The following SLC25A21 variants were observed in gnomAD, a reference collection of about 807,000 sequenced individuals.
SLC25A21 encodes mitochondrial 2-oxodicarboxylate carrier.
Under a neutral mutation model 43.8 loss-of-function variants are expected in SLC25A21, and 47 were observed. The ratio of observed to expected loss-of-function variants is 1.07; its 90% CI spans 0.85 to 1.37. SLC25A21 has a LOEUF of 1.37. SLC25A21 is among the 40% of genes most tolerant of loss of function. SLC25A21 has a pLI of 0.00. For missense variants in SLC25A21, 352 were observed against 350.2 expected (o/e 1.00, Z -0.04); for synonymous variants, 131 against 121.3 (o/e 1.08, Z -0.52).
intron 7 of SLC25A21, among the ~76,000 whole-genome samples, chr14:36,699,416 TGAG>T (rs1489734799): frequency 1.3e-5 from 2 of 151,706 alleles, no homozygotes; most frequent in Non-Finnish European, 2.9e-5. Context: ...GGGACCCACT[TGAG>T]GAGGCAGTCT....
chr14:36,892,558 T>A (rs548950729), intron 1 of SLC25A21, among the ~76,000 whole-genome samples: 122 of 152,204 alleles, frequency 8.0e-4, no homozygotes, highest in African/African-American at 2.8e-3. Flanking sequence ...CACTTTTTTT[T>A]TTATTATACT....
chr14:36,918,723 T>C (rs189306739), intron 1 of SLC25A21, among the ~76,000 whole-genome samples: 274 of 152,102 alleles, frequency 1.8e-3, no homozygotes, highest in Non-Finnish European at 2.5e-3. Flanking sequence ...CCAACCCAAC[T>C]ATAAAAATAG....
At chr14:36,746,759 T>C (rs1229640061) in intron 3 of SLC25A21, among the ~76,000 whole-genome samples, 1 of 152,116 alleles carries the variant, frequency 6.6e-6, no homozygotes, top group South Asian at 2.1e-4. Flanking sequence ...ATCATTCACA[T>C]TTTAACTCAC....
rs112943297 is a variant in SLC25A21, at chr14:36,918,397, C to A, written c.71-43393G>T. ...AATGCTAAACTTAAAATGATAAGCA[C>A]GTATTTCTCAAACATCCCAGTTTCC... On this transcript the variant is annotated intron_variant, in intron 1 of 9. Transcript: ENST00000331299. Among the ~76,000 whole-genome samples, 372 of 152,224 alleles carry A rather than the reference C, an allele frequency of 2.4e-3. 4 individuals carry two copies. The highest frequency in any genetic ancestry group is 8.5e-3 in the African/African-American group (353 of 41,548).
intron 1 of SLC25A21, among the ~76,000 whole-genome samples, chr14:37,144,956 T>TTG (rs764673028): frequency 3.9e-5 from 5 of 128,824 alleles, no homozygotes; most frequent in Non-Finnish European, 8.7e-5. Context: ...GTTGTTGTTG[T>TTG]TTGTTTGTTT....
chr14:36,925,603 T>A (rs1252358144), intron 1 of SLC25A21, among the ~76,000 whole-genome samples: 1 of 152,150 alleles, frequency 6.6e-6, no homozygotes, highest in Non-Finnish European at 1.5e-5. Context: ...TCCCAGCAGT[T>A]TGGGAGGCTG....
At chr14:36,736,711 C>G (rs1405737933) in intron 3 of SLC25A21, among the ~76,000 whole-genome samples, 4 of 152,132 alleles carry the variant, frequency 2.6e-5, no homozygotes, top group Non-Finnish European at 5.9e-5. Context: ...AAATCCCAAA[C>G]TACAGAGAAC....
At chr14:36,764,194 G>GAAAGAAAGAA (rs1185480005) in intron 3 of SLC25A21, among the ~76,000 whole-genome samples, 3,841 of 91,682 alleles carry the variant, frequency 0.042, 271 homozygotes, top group Non-Finnish European at 0.064. Context: ...GAAAGAAAGA[G>GAAAGAAAGAA]AAAGAAAGAA....
At chr14:36,969,467 C>G (rs948075422) in intron 1 of SLC25A21, among the ~76,000 whole-genome samples, 3 of 152,090 alleles carry the variant, frequency 2.0e-5, no homozygotes, top group African/African-American at 7.2e-5. Flanking sequence ...GCCCAAGGAA[C>G]TCCTAGAAAC....
Position 37,172,286 on chromosome 14 carries a change from G to A in SLC25A21, c.65C>T (p.Ser22Phe), listed in dbSNP as rs748039304. The part of the protein sequence containing the change: ...EASRQIVAGG[S>F]AGLVEICLMH... ...GCAGGGCGGGCTGTCCTTACCTGCA[G>A]AACCACCGGCCACGATCTGCCGAGA... The change falls in exon 1 of 10, where the codon TCT (serine) becomes TTT (phenylalanine). Residue 22 changes from serine to phenylalanine, a missense_variant. Transcript: ENST00000331299. 2 of 1,596,876 alleles carry A rather than the reference G, an allele frequency of 1.3e-6. No individual in the cohort carries two copies. The highest frequency in any genetic ancestry group is 8.5e-7 in the Non-Finnish European group (1 of 1,172,130).
intron 1 of SLC25A21, among the ~76,000 whole-genome samples, chr14:37,036,108 T>C (rs1026412544): frequency 3.3e-5 from 5 of 152,208 alleles, no homozygotes; most frequent in Non-Finnish European, 7.4e-5. Flanking sequence ...CCAGTATTTT[T>C]CTACCCAGCA....
At chr14:37,155,506 C>A (rs1963832605) in intron 1 of SLC25A21, among the ~76,000 whole-genome samples, 1 of 151,996 alleles carries the variant, frequency 6.6e-6, no homozygotes, top group African/African-American at 2.4e-5. Flanking sequence ...TGTCTAAAGT[C>A]AAAGATAAAA....
chr14:36,977,154 A>G (rs9322971), intron 1 of SLC25A21, among the ~76,000 whole-genome samples: 80,713 of 151,988 alleles, frequency 0.53, 22,357 homozygotes, highest in African/African-American at 0.68. Context: ...CCAATTATTT[A>G]TTCCATCCTC....
At chr14:36,685,628 AAG>A (rs562916842) in intron 7 of SLC25A21, among the ~76,000 whole-genome samples, 2 of 152,192 alleles carry the variant, frequency 1.3e-5, no homozygotes, top group Admixed American at 6.6e-5. Flanking sequence ...GAAAAGGAGA[AAG>A]AGAGAGCGAG....
At chr14:36,762,620 A>G (rs970203212) in intron 3 of SLC25A21, among the ~76,000 whole-genome samples, 1 of 152,264 alleles carries the variant, frequency 6.6e-6, no homozygotes, top group Non-Finnish European at 1.5e-5. Context: ...GTGGCTATCA[A>G]GCATTTAAAT....
At chr14:37,015,936 A>G (rs1316894198) in intron 1 of SLC25A21, among the ~76,000 whole-genome samples, 1 of 151,498 alleles carries the variant, frequency 6.6e-6, no homozygotes, top group Non-Finnish European at 1.5e-5. Flanking sequence ...TAGATTCTGG[A>G]TATTAGCCCT....
intron 1 of SLC25A21, among the ~76,000 whole-genome samples, chr14:37,093,933 A>G (rs903386869): frequency 6.6e-6 from 1 of 152,208 alleles, no homozygotes; most frequent in African/African-American, 2.4e-5. Context: ...TTTTCTCTTT[A>G]GCTTATCATA....
chr14:36,800,090 G>T (rs1887816509), intron 3 of SLC25A21, among the ~76,000 whole-genome samples: 1 of 151,926 alleles, frequency 6.6e-6, no homozygotes, highest in African/African-American at 2.4e-5. Flanking sequence ...TTTTGTTTTT[G>T]CAGATCTCAA....
intron 1 of SLC25A21, among the ~76,000 whole-genome samples, chr14:37,122,254 G>T (rs1963222351): frequency 6.6e-6 from 1 of 152,170 alleles, no homozygotes; most frequent in South Asian, 2.1e-4. Context: ...TGTTTAATCA[G>T]TTATACATCT....
Sources: allele counts gnomAD v4.1 joint callset (sites outside exome capture counted in the v4.1 genomes callset), GRCh38; gene constraint gnomAD v4.1.1; transcripts MANE v1.5; gene names NCBI Gene and HGNC (gene_info 2026-07-23, HGNC 2026-07-21).